The following NPAS2 variants were observed in gnomAD, a reference collection of about 807,000 sequenced individuals.
NPAS2 encodes neuronal PAS domain protein 2, also known as neuronal PAS domain-containing protein 2.
Under a neutral mutation model 107.5 loss-of-function variants are expected in NPAS2, and 23 were observed. The ratio of observed to expected loss-of-function variants is 0.21; its 90% CI spans 0.15 to 0.30. The LOEUF (loss-of-function observed/expected upper bound fraction) is 0.30, where lower values mean the gene tolerates loss of function less well. Ranked by LOEUF, NPAS2 falls within the 10% of genes least tolerant of loss-of-function variation. NPAS2 has a pLI of 1.00. For missense variants in NPAS2, 756 were observed against 1,043.3 expected, an observed-to-expected ratio of 0.72 and a Z score of 3.79; for synonymous variants, 403 against 417.5, an observed-to-expected ratio of 0.97 and a Z score of 0.42.
At chr2:100,934,386 A>C (rs11688832) in intron 4 of NPAS2, among the ~76,000 whole-genome samples, 126,879 of 151,710 alleles carry the variant, frequency 0.84, 53,392 homozygotes, top group East Asian at 1. Flanking sequence ...TAAAGTTAAA[A>C]ATGAATAAAT....
intron 1 of NPAS2, among the ~76,000 whole-genome samples, chr2:100,881,337 A>G (rs1353791676): frequency 6.6e-6 from 1 of 152,106 alleles, no homozygotes; most frequent in Non-Finnish European, 1.5e-5. Context: ...CCGCCCAGTC[A>G]GAATCCATAC....
intron 1 of NPAS2, among the ~76,000 whole-genome samples, chr2:100,830,234 T>C (rs1464289755): frequency 2.0e-5 from 3 of 152,200 alleles, no homozygotes; most frequent in African/African-American, 7.2e-5. Flanking sequence ...GCCTCTATTT[T>C]TTATTAATTT....
intron 1 of NPAS2, among the ~76,000 whole-genome samples, chr2:100,829,111 C>G (rs1205703486): frequency 6.6e-6 from 1 of 151,746 alleles, no homozygotes; most frequent in East Asian, 1.9e-4. Context: ...AGATCTTTCA[C>G]CTCTTTGGTT....
chr2:100,947,486 G>T (rs1022180284), intron 5 of NPAS2, among the ~76,000 whole-genome samples: 2 of 151,228 alleles, frequency 1.3e-5, no homozygotes, highest in African/African-American at 2.4e-5. Flanking sequence ...GGAAGGTGGA[G>T]GCTGGCAGTG....
At chr2:100,988,010 G>A in intron 16 of NPAS2, 69 bp from the exon 17 acceptor site, 1 of 1,523,132 alleles carries the variant, frequency 6.6e-7, no homozygotes, top group South Asian at 1.2e-5. Flanking sequence ...CACAGGGAAT[G>A]CAAAGGAGGT....
chr2:100,925,379 GT>G, intron 3 of NPAS2, 85 bp downstream of exon 3: 1 of 1,472,606 alleles, frequency 6.8e-7, no homozygotes, highest in Non-Finnish European at 9.3e-7. Context: ...TGCCTGGTTG[GT>G]TTTGTCTCCC....
chr2:100,937,669 C>G (rs549418349), intron 4 of NPAS2, 84 bp from the exon 5 acceptor site: 7 of 954,692 alleles, frequency 7.3e-6, no homozygotes, highest in African/African-American at 6.4e-5. Context: ...AAGCCAGTGT[C>G]CTAAAATAGT....
At chr2:100,985,940 CT>C (rs1459940663) in intron 16 of NPAS2, 1 of 152,174 alleles carries the variant, frequency 6.6e-6, no homozygotes, top group Non-Finnish European at 1.5e-5. Flanking sequence ...TATTCAAACT[CT>C]AATCAAAAGG....
chr2:100,979,498 ATATATT>A (rs1166158960), intron 15 of NPAS2, among the ~76,000 whole-genome samples: 1 of 56,848 alleles, frequency 1.8e-5, no homozygotes, highest in African/African-American at 9.5e-5. Flanking sequence ...ATATATATAT[ATATATT>A]TTTTTTTTTT....
chr2:100,921,484 A>G (rs553807839), intron 2 of NPAS2, among the ~76,000 whole-genome samples: 1 of 152,008 alleles, frequency 6.6e-6, no homozygotes, highest in East Asian at 1.9e-4. Flanking sequence ...TTCAAAAATC[A>G]ATATCCATGT....
At chr2:100,893,926 C>A (rs1162861302) in intron 1 of NPAS2, among the ~76,000 whole-genome samples, 1 of 152,214 alleles carries the variant, frequency 6.6e-6, no homozygotes, top group Non-Finnish European at 1.5e-5. Context: ...AGTGGAGTAA[C>A]ATGCCTTTCC....
intron 1 of NPAS2, among the ~76,000 whole-genome samples, chr2:100,842,902 T>C (rs1677531017): frequency 6.6e-6 from 1 of 152,180 alleles, no homozygotes; most frequent in Non-Finnish European, 1.5e-5. Flanking sequence ...GATTCTGTCC[T>C]AAGCTGTTCC....
Position 100,979,912 on chromosome 2 carries a change from A to G in NPAS2, c.1482+2113A>G, listed in dbSNP as rs80071844. 1.1e-3 allele frequency among the ~76,000 whole-genome samples: 170 copies of G among 152,264 alleles called. 3 individuals carry two copies. The East Asian group carries it at 0.018, about 16-fold the overall frequency. On this transcript the variant is annotated intron_variant, in intron 15 of 20. Transcript: ENST00000335681. ...TCTTCCCACTTCATGTGAAATACCC[A>G]CTTCATGTGAAACAACGAGATTCTG...
intron 2 of NPAS2, among the ~76,000 whole-genome samples, chr2:100,906,579 A>T (rs1007485244): frequency 3.3e-5 from 5 of 152,356 alleles, no homozygotes; most frequent in Non-Finnish European, 7.3e-5. Flanking sequence ...ACTTTACAGT[A>T]ATACATTTAC....
At chr2:100,878,186 A>C in intron 1 of NPAS2, 3 of 985,404 alleles carry the variant, frequency 3.0e-6, no homozygotes, top group Non-Finnish European at 3.6e-6. Context: ...GTGGCCGTGC[A>C]AGGAGCAGTG....
chr2:100,877,962 T>G (rs1391743072), intron 1 of NPAS2: 2 of 985,212 alleles, frequency 2.0e-6, no homozygotes, highest in Non-Finnish European at 2.4e-6. Context: ...TAAAAAGTGC[T>G]GGAAACTTAT....
chr2:100,927,450 A>G (rs1683652849), intron 3 of NPAS2, among the ~76,000 whole-genome samples: 1 of 152,248 alleles, frequency 6.6e-6, no homozygotes, highest in Non-Finnish European at 1.5e-5. Flanking sequence ...AGTTGAATTA[A>G]TTATCACAAA....
At chr2:100,937,708 A>G (rs1201689566) in intron 4 of NPAS2, 45 bp from the exon 5 acceptor site, 6 of 1,365,412 alleles carry the variant, frequency 4.4e-6, no homozygotes, top group Non-Finnish European at 6.3e-6. Context: ...ATGCTCCTCC[A>G]TAAACGCATT....
intron 1 of NPAS2, among the ~76,000 whole-genome samples, chr2:100,903,506 C>G (rs1681927299): frequency 6.6e-6 from 1 of 152,180 alleles, no homozygotes; most frequent in Non-Finnish European, 1.5e-5. Context: ...ACCAAAATCA[C>G]AAAACTAAAT....
Sources: allele counts gnomAD v4.1 joint callset (sites outside exome capture counted in the v4.1 genomes callset), GRCh38; gene constraint gnomAD v4.1.1; transcripts MANE v1.5; gene names NCBI Gene and HGNC (gene_info 2026-07-23, HGNC 2026-07-21).